RASSF3: variants seen among roughly 807,000 people sequenced by gnomAD.
RASSF3 encodes the protein Ras association domain family member 3.
Under a neutral mutation model 19.9 loss-of-function variants are expected in RASSF3, and 19 were observed. The observed-to-expected ratio is 0.96, with a 90% CI of 0.67 to 1.40. The LOEUF is 1.40. Among genes scored for constraint, RASSF3 ranks in the 40% most tolerant of loss-of-function variants. RASSF3 has a pLI of 0.00. For missense variants in RASSF3, 306 were observed against 289.8 expected (o/e 1.06, Z -0.41); for synonymous variants, 110 against 104.2 (o/e 1.06, Z -0.34).
chr12:64,550,834 G>T (rs55922954), intron 2 of RASSF3, among the ~76,000 whole-genome samples: 1 of 125,754 alleles, frequency 8.0e-6, no homozygotes, highest in African/African-American at 3.0e-5. Flanking sequence ...AAAAAAAAAA[G>T]AAAGAAAGAA....
rs150907704 is a variant in RASSF3 at position 64,559,982 on chromosome 12, G to A, written c.294+18277G>A. On this transcript the variant is annotated intron_variant, in intron 2 of 5. Coordinates refer to the RASSF3 transcript ENST00000637125. ...AGTAGAGGAATTGGGGGCAGCTCCTGAGAGGGCAACCTGTTGCCTTGCTGG... is the reference window on the plus strand; with the variant it reads ...AGTAGAGGAATTGGGGGCAGCTCCTAAGAGGGCAACCTGTTGCCTTGCTGG... Among the ~76,000 whole-genome samples, 1,363 of 152,332 alleles carry A rather than the reference G, an allele frequency of 8.9e-3. 19 individuals are homozygous for A. The highest frequency in any genetic ancestry group is 0.031 in the African/African-American group (1,281 of 41,572).
At chr12:64,673,241 C>T (rs560538943) in intron 1 of RASSF3, among the ~76,000 whole-genome samples, 5 of 152,204 alleles carry the variant, frequency 3.3e-5, no homozygotes, top group East Asian at 1.9e-4. Context: ...TGCTGGGTGA[C>T]GCCTTGAACA....
At chr12:64,667,751 A>G (rs1459489034) in intron 1 of RASSF3, among the ~76,000 whole-genome samples, 1 of 152,206 alleles carries the variant, frequency 6.6e-6, no homozygotes, top group Non-Finnish European at 1.5e-5. Flanking sequence ...GCTATGCAGA[A>G]CATGGCTTAT....
intron 2 of RASSF3, among the ~76,000 whole-genome samples, chr12:64,600,691 C>T (rs899700247): frequency 1.3e-5 from 2 of 152,060 alleles, no homozygotes; most frequent in African/African-American, 4.8e-5. Flanking sequence ...CCTATATGTA[C>T]GTAATAATAG....
At chr12:64,636,720 G>A (rs1871340308) in intron 1 of RASSF3, among the ~76,000 whole-genome samples, 1 of 151,970 alleles carries the variant, frequency 6.6e-6, no homozygotes, top group African/African-American at 2.4e-5. Context: ...TACAAAATTA[G>A]CCGGGCATGG....
intron 2 of RASSF3, among the ~76,000 whole-genome samples, chr12:64,554,230 G>A (rs774972184): frequency 3.9e-5 from 6 of 152,198 alleles, no homozygotes; most frequent in Non-Finnish European, 7.3e-5. Context: ...ATTCAGATGA[G>A]CACTGGGCTT....
chr12:64,546,810 T>C (rs551740834), intron 2 of RASSF3, among the ~76,000 whole-genome samples: 41 of 152,326 alleles, frequency 2.7e-4, no homozygotes, highest in African/African-American at 9.9e-4. Context: ...CCCAGTGTTG[T>C]TGGCTTCAAG....
At chr12:64,507,652 C>T (rs892221001) in intron 1 of RASSF3, among the ~76,000 whole-genome samples, 13 of 152,138 alleles carry the variant, frequency 8.5e-5, no homozygotes, top group African/African-American at 2.9e-4. Flanking sequence ...CTCTTATTCT[C>T]AGGGACTCTT....
At chr12:64,679,809 A>C (rs1221367183) in intron 1 of RASSF3, among the ~76,000 whole-genome samples, 4 of 152,206 alleles carry the variant, frequency 2.6e-5, no homozygotes. Flanking sequence ...AATACAAAAC[A>C]AAACTGACTT....
intron 1 of RASSF3, among the ~76,000 whole-genome samples, chr12:64,656,671 A>T (rs1004532391): frequency 2.0e-5 from 3 of 151,784 alleles, no homozygotes; most frequent in Non-Finnish European, 2.9e-5. Flanking sequence ...ACTCAGAGAT[A>T]AAAAAAATCA....
At chr12:64,684,246 C>T (rs1270877660) in intron 1 of RASSF3, among the ~76,000 whole-genome samples, 1 of 151,456 alleles carries the variant, frequency 6.6e-6, no homozygotes, top group Non-Finnish European at 1.5e-5. Flanking sequence ...CCACTGTGCC[C>T]AGCTAATTTT....
chr12:64,510,643 C>A (rs1868322711), intron 1 of RASSF3, among the ~76,000 whole-genome samples: 1 of 152,100 alleles, frequency 6.6e-6, no homozygotes, highest in African/African-American at 2.4e-5. Flanking sequence ...TCTATCTCCC[C>A]CTAGAAGACA....
At chr12:64,567,574 G>A (rs1487527630) in intron 2 of RASSF3, among the ~76,000 whole-genome samples, 1 of 152,200 alleles carries the variant, frequency 6.6e-6, no homozygotes, top group East Asian at 1.9e-4. Flanking sequence ...CAGTGACACA[G>A]CCATGAGGTG....
upstream of RASSF3, among the ~76,000 whole-genome samples, chr12:64,531,957 C>G (rs1022419225): frequency 6.6e-6 from 1 of 152,226 alleles, no homozygotes; most frequent in African/African-American, 2.4e-5. Context: ...GAAATCAACT[C>G]TCCTCTGCCT....
chr12:64,610,654 C>T lies in RASSF3; in HGVS notation c.22C>T (p.Leu8=), dbSNP rs1412730501. The change falls in exon 1 of 5, where the codon CTG becomes TTG. Residue 8 remains leucine (L), a synonymous_variant. Coordinates refer to ENST00000542104, the MANE Select transcript of RASSF3 (RefSeq NM_178169.4). The part of the protein sequence containing the change: MSSGYSS[L]EEDAEDFFFT... The stretch of plus-strand genomic sequence containing the variant: ...CAGCATGAGCAGCGGCTACAGCAGC[C>T]TGGAGGAGGACGCCGAGGACTTCTT... 6.3e-6 allele frequency: 10 copies of T among 1,587,668 alleles called. No homozygotes were observed. In the East Asian group the frequency reaches 7.3e-5, roughly 12 times the overall value.
At chr12:64,547,473 A>G (rs1386402382) in intron 2 of RASSF3, among the ~76,000 whole-genome samples, 1 of 152,098 alleles carries the variant, frequency 6.6e-6, no homozygotes, top group Non-Finnish European at 1.5e-5. Flanking sequence ...AGGCTGAGGC[A>G]GGAGAATCGC....
intron 1 of RASSF3, among the ~76,000 whole-genome samples, chr12:64,639,686 A>G (rs1226793274): frequency 6.6e-6 from 1 of 152,224 alleles, no homozygotes; most frequent in African/African-American, 2.4e-5. Flanking sequence ...TGTGGTTTCC[A>G]AGATACCTGT....
chr12:64,566,145 G>A (rs577761893), intron 2 of RASSF3, among the ~76,000 whole-genome samples: 1 of 152,240 alleles, frequency 6.6e-6, no homozygotes, highest in Admixed American at 6.5e-5. Flanking sequence ...AGGTTGCAGT[G>A]AGCCGAGATT....
intron 4 of RASSF3, among the ~76,000 whole-genome samples, chr12:64,694,044 A>G (rs1238096416): frequency 6.6e-6 from 1 of 152,162 alleles, no homozygotes; most frequent in African/African-American, 2.4e-5. Flanking sequence ...TAGCCAGGCA[A>G]AGTGGAGGAG....
Sources: gnomAD v4.1 joint callset for allele counts (sites outside exome capture counted in the v4.1 genomes callset) on GRCh38, gnomAD v4.1.1 for gene constraint, MANE v1.5 for transcripts, NCBI Gene and HGNC (gene_info 2026-07-23, HGNC 2026-07-21) for gene names.